Variants in SLCO4A1 observed in about 807,000 individuals in gnomAD.
SLCO4A1 encodes solute carrier organic anion transporter family member 4A1.
A neutral mutation model predicts 64.6 loss-of-function variants in SLCO4A1; 51 were observed. The ratio of observed to expected loss-of-function variants is 0.79; its 90% CI spans 0.63 to 1.00. SLCO4A1 has a LOEUF of 1.00. Among genes scored for constraint, SLCO4A1 ranks in the 50% least tolerant of loss-of-function variants. SLCO4A1 has a pLI of 0.00. For synonymous variants in SLCO4A1, 471 were observed against 444.9 expected (o/e 1.06, Z -0.74); for missense variants, 919 against 980.5 (o/e 0.94, Z 0.84).
chr20:62,683,027 C>T (rs1440072641), intron 2 of SLCO4A1, among the ~76,000 whole-genome samples: 1 of 152,224 alleles, frequency 6.6e-6, no homozygotes, highest in Non-Finnish European at 1.5e-5. Context: ...CGCCCTGGTG[C>T]TTCCTCTCAG....
At chr20:62,663,582 G>C (rs994860581) in intron 5 of SLCO4A1, 1 of 152,176 alleles carries the variant, frequency 6.6e-6, no homozygotes, top group Admixed American at 6.5e-5. Flanking sequence ...CCATGACCTG[G>C]GGCTTCAGGA....
At chr20:62,686,776 C>T (rs1988071755), downstream of SLCO4A1, among the ~76,000 whole-genome samples, 1 of 152,090 alleles carries the variant, frequency 6.6e-6, no homozygotes, top group Admixed American at 6.5e-5. Context: ...TCAGAGTGCC[C>T]AGCACCACAG....
chr20:62,657,814 C>T (rs1356934772), intron 2 of SLCO4A1, among the ~76,000 whole-genome samples: 2 of 152,244 alleles, frequency 1.3e-5, no homozygotes, highest in African/African-American at 4.8e-5. Context: ...GTGGAAAAGA[C>T]CGAGCAAATC....
At chr20:62,669,443 G>T (rs996154658) in intron 11 of SLCO4A1, among the ~76,000 whole-genome samples, 13 of 152,232 alleles carry the variant, frequency 8.5e-5, no homozygotes, top group Non-Finnish European at 1.3e-4. Context: ...TCCTGTTAGA[G>T]CGGCTTGACT....
intron 3 of SLCO4A1, among the ~76,000 whole-genome samples, chr20:62,659,989 C>A (rs1321540034): frequency 6.6e-6 from 1 of 152,234 alleles, no homozygotes; most frequent in Non-Finnish European, 1.5e-5. Context: ...ACAGTCCCTT[C>A]GTGGGGAGCT....
In SLCO4A1 at chr20:62,660,454, G is replaced by C; in HGVS notation, c.930G>C (p.Trp310Cys). Residue 310 changes from tryptophan (W) to cysteine (C), a missense_variant, in exon 4 of 12, where the codon TGG becomes TGC. Physicochemically the swap from Trp to Cys is radical, Grantham distance 215. Transcript: ENST00000217159. ...AGAGCCCACTGTGGGTCGGCGCCTG[G>C]TGGGTCGGCTTCCTGGGCTCTGGGG... ...TTESPLWVGA[W>C]WVGFLGSGAA... 20 of 1,601,696 alleles carry C rather than the reference G, an allele frequency of 1.2e-5. No homozygotes were observed. Among genetic ancestry groups the C allele is most frequent in the Non-Finnish European group, 1.7e-5 (20 of 1,179,894 alleles).
chr20:62,668,656 G>A (rs926703296), intron 10 of SLCO4A1, 115 bp downstream of exon 10: 9 of 1,038,492 alleles, frequency 8.7e-6, no homozygotes, highest in Admixed American at 3.5e-5. Flanking sequence ...GGCTGTTCCC[G>A]CCTGGGAAGG....
chr20:62,657,947 G>T (rs572991819), intron 2 of SLCO4A1, among the ~76,000 whole-genome samples: 4 of 152,342 alleles, frequency 2.6e-5, no homozygotes, highest in African/African-American at 9.6e-5. Context: ...CTGCCCTGGG[G>T]CAGCCCTGGG....
At chr20:62,679,017 G>A (rs1002710432) in intron 2 of SLCO4A1, among the ~76,000 whole-genome samples, 4 of 152,282 alleles carry the variant, frequency 2.6e-5, no homozygotes, top group East Asian at 1.9e-4. Context: ...TCAGGAGTTC[G>A]AGACCAGCCT....
chr20:62,680,183 C>A (rs1321697465), intron 2 of SLCO4A1, among the ~76,000 whole-genome samples: 1 of 152,210 alleles, frequency 6.6e-6, no homozygotes, highest in Non-Finnish European at 1.5e-5. Flanking sequence ...GTGCCCTCTG[C>A]TGGTGTATAG....
rs201865013 is a variant in SLCO4A1, at chr20:62,671,960, G to C, written c.*67G>C. The C allele has an allele frequency of 2.6e-4, 415 of 1,600,480 alleles. 4 individuals carry two copies. In the South Asian group the frequency reaches 4.3e-3, roughly 16 times the overall value. Reference sequence around the variant, plus strand: ...TTCCTGATGACAGAACAGTGCCGTTGGGTGATGCAATCACACGGGAACTTC... The same window carrying C: ...TTCCTGATGACAGAACAGTGCCGTTCGGTGATGCAATCACACGGGAACTTC... On this transcript the variant is annotated 3_prime_UTR_variant, in exon 12 of 12. Coordinates refer to ENST00000217159, the MANE Select transcript of SLCO4A1 (RefSeq NM_016354.4).
chr20:62,656,695 G>T lies in SLCO4A1; in HGVS notation c.241G>T (p.Gly81Trp), dbSNP rs201056404. The part of the protein sequence containing the change: ...GTHEVRYVSA[G>W]QSVACGWWAF... ...CCATGAGGTGCGGTACGTCTCGGCC[G>T]GGCAGAGCGTGGCGTGCGGCTGGTG... Residue 81 changes from glycine (G) to tryptophan (W), a missense_variant, in exon 2 of 12, where the codon GGG becomes TGG. Physicochemically the swap from Gly to Trp is radical, Grantham distance 184 (BLOSUM62 -2). Transcript: ENST00000217159. 6.2e-7 allele frequency: 1 copy of T among 1,609,696 alleles called. No individual in the cohort carries two copies. Among genetic ancestry groups the T allele is most frequent in the South Asian group, 1.1e-5 (1 of 90,568 alleles).
chr20:62,658,616 A>G (rs1984190933), intron 2 of SLCO4A1, 61 bp from the exon 3 acceptor site: 2 of 1,388,540 alleles, frequency 1.4e-6, no homozygotes, highest in Admixed American at 2.0e-5. Flanking sequence ...GGGGCCCCAC[A>G]CGGCCCTCCG....
At chr20:62,643,190 C>T in intron 1 of SLCO4A1, 1 of 349,342 alleles carries the variant, frequency 2.9e-6, no homozygotes, top group South Asian at 2.1e-5. Context: ...TGCCCCACCA[C>T]GCGACGTCCT....
chr20:62,681,558 G>A, intron 2 of SLCO4A1, among the ~76,000 whole-genome samples: 1 of 151,882 alleles, frequency 6.6e-6, no homozygotes, highest in Non-Finnish European at 1.5e-5. Context: ...TAAACCGTGT[G>A]TACACACTCG....
rs143723608 is a variant in SLCO4A1, at chr20:62,658,043, G to A, written c.797-634G>A. Among the ~76,000 whole-genome samples the A allele has an allele frequency of 6.2e-3, 950 of 152,236 alleles. 10 individuals carry two copies. The highest frequency in any genetic ancestry group is 0.021 in the African/African-American group (888 of 41,538). Reference sequence around the variant, plus strand: ...ACATGGCCGAGTTGACCCAGTGCACGGCCCGCCTGACCCCACTTCTCGGCG... The same window carrying A: ...ACATGGCCGAGTTGACCCAGTGCACAGCCCGCCTGACCCCACTTCTCGGCG... On this transcript the variant is annotated intron_variant, in intron 2 of 11. Transcript: ENST00000217159.
At chr20:62,655,601 C>T (rs1983541294) in intron 1 of SLCO4A1, among the ~76,000 whole-genome samples, 1 of 152,124 alleles carries the variant, frequency 6.6e-6, no homozygotes, top group Admixed American at 6.5e-5. Context: ...AGGGGCAGCG[C>T]AGGGTTCAGA....
At chr20:62,672,815 G>T (rs576565869), downstream of SLCO4A1, among the ~76,000 whole-genome samples, 1 of 152,054 alleles carries the variant, frequency 6.6e-6, no homozygotes, top group African/African-American at 2.4e-5. Flanking sequence ...TCTGCCATCC[G>T]GAGCTCCTTA....
At chr20:62,666,903 CGGT>C (rs1298959011) in intron 7 of SLCO4A1, among the ~76,000 whole-genome samples, 1 of 152,148 alleles carries the variant, frequency 6.6e-6, no homozygotes, top group Non-Finnish European at 1.5e-5. Context: ...GCTGGTCTCT[CGGT>C]GACATAAAAA....
Sources: gnomAD v4.1 joint callset for allele counts (sites outside exome capture counted in the v4.1 genomes callset) on GRCh38, gnomAD v4.1.1 for gene constraint, MANE v1.5 for transcripts, NCBI Gene and HGNC (gene_info 2026-07-23, HGNC 2026-07-21) for gene names.